EFHC2: variants seen among roughly 807,000 people sequenced by gnomAD.
The protein encoded by EFHC2 is EF-hand domain containing 2.
Under a neutral mutation model 52.7 loss-of-function variants are expected in EFHC2, and 18 were observed. The ratio of observed to expected loss-of-function variants is 0.34; its 90% CI spans 0.24 to 0.51. The LOEUF is 0.51. Among genes scored for constraint, EFHC2 ranks in the 20% least tolerant of loss-of-function variants. The pLI, the probability that EFHC2 is intolerant of heterozygous loss-of-function variation, is 0.97. For missense variants in EFHC2, 513 were observed against 562.5 expected (o/e 0.91, Z 0.89); for synonymous variants, 203 against 204.1 (o/e 0.99, Z 0.04).
intron 11 of EFHC2, among the ~76,000 whole-genome samples, chrX:44,193,505 A>G (rs1008149744): frequency 8.0e-5 from 9 of 112,159 alleles, no homozygotes; most frequent in African/African-American, 2.9e-4. Context: ...ACAACAAACA[A>G]ACAAAAACTA....
chrX:44,270,707 T>C (rs1044651380), intron 3 of EFHC2, among the ~76,000 whole-genome samples: 1 of 111,332 alleles, frequency 9.0e-6, no homozygotes, highest in Non-Finnish European at 1.9e-5. Context: ...ATTTGGCCAC[T>C]CATTCATCGG....
At chrX:44,238,535 C>G (rs2037336620) in intron 8 of EFHC2, among the ~76,000 whole-genome samples, 1 of 111,267 alleles carries the variant, frequency 9.0e-6, no homozygotes, top group Non-Finnish European at 1.9e-5. Context: ...TCTGTAGAGC[C>G]CTGTGTACCC....
rs2038166260 is a variant in EFHC2, at chrX:44,343,595, C to T, written c.-7G>A. 2 of 1,189,214 alleles carry T rather than the reference C, an allele frequency of 1.7e-6. No individual in the cohort carries two copies. The highest frequency in any genetic ancestry group is 2.3e-6 in the Non-Finnish European group (2 of 885,261). On this transcript the variant is annotated 5_prime_UTR_variant, in exon 1 of 15. Transcript: ENST00000420999. ...GCAGCAGAGGCAGGGCCATGGCGCT[C>T]AGTGTCCGAAAATCCAGGGTCCCAG... is the stretch of plus-strand genomic sequence containing the variant.
In EFHC2 at chrX:44,148,434, T is replaced by C. The variant is rs2036541027; in HGVS notation, c.*361A>G. 7.1e-6 allele frequency: 1 copy of C among 140,537 alleles called. No homozygotes were observed. Among genetic ancestry groups the C allele is most frequent in the Non-Finnish European group, 1.4e-5 (1 of 72,569 alleles). 11.6% of individuals were successfully genotyped at this position (140,537 alleles called of 1,213,427 possible). On this transcript the variant is annotated 3_prime_UTR_variant, in exon 15 of 15. Coordinates refer to ENST00000420999, the MANE Select transcript of EFHC2 (RefSeq NM_025184.4). ...ATAGAATCACAACTTATTGCTGTGA[T>C]ATAATTTGATTTTGTATTGTCATGT...
chrX:44,184,245 C>A (rs1449811714), intron 11 of EFHC2, among the ~76,000 whole-genome samples: 2 of 111,567 alleles, frequency 1.8e-5, no homozygotes, highest in African/African-American at 3.3e-5. Flanking sequence ...TCCCTCTACA[C>A]CTGCCTAAAA....
chrX:44,279,859 A>T (rs1186774322), intron 2 of EFHC2, among the ~76,000 whole-genome samples: 9 of 110,908 alleles, frequency 8.1e-5, no homozygotes, highest in African/African-American at 2.6e-4. Context: ...TACAAAGGTG[A>T]ATTCCTATGC....
At chrX:44,186,807 T>G (rs2036878672) in intron 11 of EFHC2, among the ~76,000 whole-genome samples, 1 of 111,341 alleles carries the variant, frequency 9.0e-6, no homozygotes, top group African/African-American at 3.3e-5. Flanking sequence ...TAAATCTTTT[T>G]GAACACACAC....
chrX:44,230,046 C>A (rs1184836870), intron 10 of EFHC2, among the ~76,000 whole-genome samples: 1 of 111,467 alleles, frequency 9.0e-6, no homozygotes, highest in East Asian at 2.8e-4. Flanking sequence ...CAGAAAACAA[C>A]CCCTGCTTCC....
rs754030743 is a variant in EFHC2, at chrX:44,211,808, C to G, written c.1751+17841G>C. On this transcript the variant is annotated intron_variant, in intron 11 of 14. Coordinates refer to ENST00000420999, the MANE Select transcript of EFHC2 (RefSeq NM_025184.4). ...AACGGCGTGAAGCCGGGAGGTGGAGCTTGCAGTCAGCCGAGATCACGCCAC... is the reference window on the plus strand; with the variant it reads ...AACGGCGTGAAGCCGGGAGGTGGAGGTTGCAGTCAGCCGAGATCACGCCAC... 3.5e-3 allele frequency among the ~76,000 whole-genome samples: 326 copies of G among 94,250 alleles called. 1 individual carries two copies. Among genetic ancestry groups the G allele is most frequent in the Middle Eastern group, 8.0e-3 (1 of 125 alleles). 81.8% of individuals were successfully genotyped at this position (94,250 alleles called of 115,157 possible). A position where few individuals can be genotyped will look rare whatever the true frequency, so the allele number is the denominator to read the frequency against.
intron 11 of EFHC2, among the ~76,000 whole-genome samples, chrX:44,184,595 C>T (rs1295264378): frequency 3.6e-5 from 4 of 110,503 alleles, no homozygotes; most frequent in African/African-American, 9.9e-5. Flanking sequence ...TGGTGGCGCA[C>T]GCCTGTAGTC....
intron 1 of EFHC2, among the ~76,000 whole-genome samples, chrX:44,326,827 C>T (rs753424513): frequency 9.7e-6 from 1 of 103,192 alleles, no homozygotes; most frequent in South Asian, 4.8e-4. Flanking sequence ...CTCCTGGGCT[C>T]AAGCGATCCT....
At chrX:44,160,430 G>A (rs1475556673) in intron 14 of EFHC2, among the ~76,000 whole-genome samples, 11 of 111,627 alleles carry the variant, frequency 9.9e-5, no homozygotes, top group East Asian at 2.8e-4. Flanking sequence ...ATATTAATCC[G>A]TGAAATTTTT....
intron 11 of EFHC2, among the ~76,000 whole-genome samples, chrX:44,190,244 C>T (rs977190383): frequency 1.8e-5 from 2 of 111,901 alleles, no homozygotes; most frequent in East Asian, 2.8e-4. Context: ...CTGTCTTCCA[C>T]AGCAGCCTGG....
intron 1 of EFHC2, among the ~76,000 whole-genome samples, chrX:44,341,375 G>A (rs2038150568): frequency 8.9e-6 from 1 of 112,499 alleles, no homozygotes; most frequent in East Asian, 2.8e-4. Context: ...TGCAGTATTT[G>A]AGATATGTAT....
chrX:44,213,627 T>C (rs774824970), intron 11 of EFHC2, among the ~76,000 whole-genome samples: 8 of 112,282 alleles, frequency 7.1e-5, no homozygotes, highest in Non-Finnish European at 1.5e-4. Flanking sequence ...CCTGAATCAA[T>C]AGAAAGAAAT....
At chrX:44,335,202 TAA>T (rs753592632) in intron 1 of EFHC2, among the ~76,000 whole-genome samples, 109 of 102,300 alleles carry the variant, frequency 1.1e-3, no homozygotes, top group African/African-American at 3.5e-3. Context: ...TTTTAAAAAT[TAA>T]AAAAAAAAGA....
At chrX:44,186,350 T>G (rs190799211) in intron 11 of EFHC2, among the ~76,000 whole-genome samples, 2 of 112,368 alleles carry the variant, frequency 1.8e-5, no homozygotes, top group African/African-American at 6.5e-5. Flanking sequence ...GTTTTGTTTT[T>G]TAAATTGTGT....
intron 3 of EFHC2, among the ~76,000 whole-genome samples, chrX:44,263,934 C>T (rs998900170): frequency 1.8e-5 from 2 of 111,673 alleles, no homozygotes; most frequent in Non-Finnish European, 3.8e-5. Flanking sequence ...CAAAAACTGG[C>T]CCACCCACTG....
chrX:44,280,030 TACACACACACACAC>T (rs766337222), intron 2 of EFHC2, among the ~76,000 whole-genome samples: 14 of 66,823 alleles, frequency 2.1e-4, no homozygotes, highest in African/African-American at 4.9e-4. Flanking sequence ...CCATCCCCCA[TACACACACACACAC>T]ACACACACAC....
Sources: allele counts gnomAD v4.1 joint callset (sites outside exome capture counted in the v4.1 genomes callset), GRCh38; gene constraint gnomAD v4.1.1; transcripts MANE v1.5; gene names NCBI Gene and HGNC (gene_info 2026-07-23, HGNC 2026-07-21).